CLMN: variants seen among roughly 807,000 people sequenced by gnomAD.
CLMN encodes calmin.
Under a neutral mutation model 92.7 loss-of-function variants are expected in CLMN, and 57 were observed. The ratio of observed to expected loss-of-function variants is 0.61; its 90% CI spans 0.50 to 0.77. The LOEUF (loss-of-function observed/expected upper bound fraction) is 0.77, where lower values mean the gene tolerates loss of function less well. CLMN is among the 30% of genes least tolerant of loss of function. The pLI, the probability that CLMN is intolerant of heterozygous loss-of-function variation, is 0.00. For synonymous variants in CLMN, 466 were observed against 470.6 expected, an observed-to-expected ratio of 0.99 and a Z score of 0.13; for missense variants, 1,158 against 1,237.5, an observed-to-expected ratio of 0.94 and a Z score of 0.96.
In CLMN at chr14:95,187,073, C is replaced by G. The variant is rs1267006082; in HGVS notation, c.*4491G>C. 1 of 152,226 alleles carries G rather than the reference C, an allele frequency of 6.6e-6. No homozygotes were observed. Among genetic ancestry groups the G allele is most frequent in the Non-Finnish European group, 1.5e-5 (1 of 68,062 alleles). The allele number at this position is 152,226 out of a possible 1,614,324, so 9.4% of individuals were successfully genotyped here. On this transcript the variant is annotated 3_prime_UTR_variant, in exon 13 of 13. Coordinates refer to ENST00000298912, the MANE Select transcript of CLMN (RefSeq NM_024734.4). ...ATGTATCCCTCTCCTGCACTTGGCACAGCATTACACAAAATCACTTAGCAG... is the reference window on the plus strand; with the variant it reads ...ATGTATCCCTCTCCTGCACTTGGCAGAGCATTACACAAAATCACTTAGCAG...
intron 8 of CLMN, among the ~76,000 whole-genome samples, chr14:95,205,180 G>A (rs984998745): frequency 2.6e-5 from 4 of 152,090 alleles, no homozygotes; most frequent in East Asian, 1.9e-4. Context: ...TGATCAAAAC[G>A]ACAGCTCCTC....
intron 1 of CLMN, among the ~76,000 whole-genome samples, chr14:95,272,219 G>C (rs960503227): frequency 2.0e-5 from 3 of 152,184 alleles, no homozygotes; most frequent in African/African-American, 7.2e-5. Context: ...GCAGGCTCTG[G>C]AGAAAGGCAG....
intron 1 of CLMN, among the ~76,000 whole-genome samples, chr14:95,306,339 C>T (rs1233312980): frequency 1.3e-5 from 2 of 152,080 alleles, no homozygotes; most frequent in Non-Finnish European, 2.9e-5. Flanking sequence ...CGGTGAAACC[C>T]CATCTCTCTG....
At chr14:95,241,171 C>G (rs1898229966) in intron 1 of CLMN, among the ~76,000 whole-genome samples, 1 of 151,948 alleles carries the variant, frequency 6.6e-6, no homozygotes, top group Admixed American at 6.6e-5. Context: ...CCACACTCAC[C>G]CTGTAAACAT....
intron 1 of CLMN, among the ~76,000 whole-genome samples, chr14:95,297,837 AC>A (rs1900874677): frequency 6.6e-6 from 1 of 151,876 alleles, no homozygotes; most frequent in Admixed American, 6.6e-5. Flanking sequence ...ACACACACAC[AC>A]ACACACACAC....
chr14:95,274,592 C>T (rs1185796303), intron 1 of CLMN, among the ~76,000 whole-genome samples: 5 of 152,222 alleles, frequency 3.3e-5, no homozygotes, highest in Non-Finnish European at 7.3e-5. Flanking sequence ...ACCCAGCACG[C>T]TGCCTCGTAA....
At chr14:95,223,621 T>A (rs1043956685) in intron 3 of CLMN, 139 bp downstream of exon 3, 3 of 607,004 alleles carry the variant, frequency 4.9e-6, no homozygotes, top group Middle Eastern at 2.6e-4. Context: ...CTATATGGCT[T>A]GTAGGCACTA....
intron 4 of CLMN, 82 bp downstream of exon 4, chr14:95,221,607 CTT>C (rs1347011161): frequency 1.1e-5 from 14 of 1,231,192 alleles, no homozygotes; most frequent in Non-Finnish European, 1.6e-5. Flanking sequence ...TCACGCTTCT[CTT>C]GCGACCAGCA....
chr14:95,183,555 C>T lies in CLMN; in HGVS notation c.*8009G>A, dbSNP rs548787156. On this transcript the variant is annotated 3_prime_UTR_variant, in exon 13 of 13. Transcript: ENST00000298912. ...CTACTTCTCCATTTTAATTACACTGCCCTCAGGCCTTCTCTACTTTTCTTT... is the reference window on the plus strand; with the variant it reads ...CTACTTCTCCATTTTAATTACACTGTCCTCAGGCCTTCTCTACTTTTCTTT... 3 of 152,308 alleles carry T rather than the reference C, an allele frequency of 2.0e-5. No homozygotes were observed. In the South Asian group the frequency reaches 6.2e-4, roughly 32 times the overall value. The allele number at this position is 152,308 out of a possible 1,614,324, so 9.4% of individuals were successfully genotyped here. A position where few individuals can be genotyped will look rare whatever the true frequency, so the allele number is the denominator to read the frequency against.
At chr14:95,291,720 C>T (rs1435553323) in intron 1 of CLMN, among the ~76,000 whole-genome samples, 1 of 152,096 alleles carries the variant, frequency 6.6e-6, no homozygotes, top group East Asian at 1.9e-4. Flanking sequence ...TCTAAGATCA[C>T]CAGAAATGGG....
chr14:95,317,314 A>G (rs1481221286), intron 1 of CLMN, among the ~76,000 whole-genome samples: 1 of 152,216 alleles, frequency 6.6e-6, no homozygotes, highest in East Asian at 1.9e-4. Context: ...GGAAAAATCA[A>G]GAGAAGACAG....
intron 1 of CLMN, among the ~76,000 whole-genome samples, chr14:95,269,493 T>A (rs1013753455): frequency 2.0e-5 from 3 of 152,196 alleles, no homozygotes; most frequent in African/African-American, 7.2e-5. Flanking sequence ...CAGACCCAAG[T>A]CACAGCTAAA....
chr14:95,309,715 C>A (rs1481373343), intron 1 of CLMN, among the ~76,000 whole-genome samples: 1 of 152,240 alleles, frequency 6.6e-6, no homozygotes, highest in Non-Finnish European at 1.5e-5. Context: ...AAGCTTGCTG[C>A]CCCCACCCTG....
intron 1 of CLMN, among the ~76,000 whole-genome samples, chr14:95,244,164 T>A (rs1898370294): frequency 1.3e-5 from 2 of 152,196 alleles, no homozygotes; most frequent in African/African-American, 4.8e-5. Flanking sequence ...ATTAAACCTC[T>A]TTTCTTTATA....
intron 3 of CLMN, among the ~76,000 whole-genome samples, chr14:95,222,035 G>T (rs535391308): frequency 6.8e-4 from 104 of 152,280 alleles, no homozygotes; most frequent in Non-Finnish European, 9.7e-4. Context: ...TGGTGAGTTG[G>T]GGGGAACTGA....
chr14:95,300,966 C>T (rs1197116508), intron 1 of CLMN, among the ~76,000 whole-genome samples: 1 of 152,216 alleles, frequency 6.6e-6, no homozygotes, highest in African/African-American at 2.4e-5. Flanking sequence ...GTTGGTTTGA[C>T]TTGAAAATAG....
chr14:95,274,383 A>G (rs1408116212), intron 1 of CLMN, among the ~76,000 whole-genome samples: 1 of 151,952 alleles, frequency 6.6e-6, no homozygotes, highest in African/African-American at 2.4e-5. Flanking sequence ...AGGTATTCTT[A>G]TTACCACCCC....
intron 1 of CLMN, among the ~76,000 whole-genome samples, chr14:95,314,919 T>G (rs1359436893): frequency 6.6e-6 from 1 of 152,170 alleles, no homozygotes; most frequent in African/African-American, 2.4e-5. Flanking sequence ...TGCATTTGGT[T>G]TTCTTTGGGT....
In CLMN at chr14:95,194,006, A is replaced by T; in HGVS notation, c.2770-87T>A. 6.4e-7 allele frequency: 1 copy of T among 1,566,448 alleles called. No homozygotes were observed. The highest frequency in any genetic ancestry group is 8.6e-7 in the Non-Finnish European group (1 of 1,158,480). On this transcript the variant is annotated intron_variant, in intron 11 of 12. Transcript: ENST00000298912. This position sits in a 1 kb window ranked among gnomAD's most constrained non-coding sequence, Gnocchi z 4.0. ...AACAGAAGATAAAACGATTTTAAACACACAAAGCCGAGCATGCCGGGCATT... is the reference window on the plus strand; with the variant it reads ...AACAGAAGATAAAACGATTTTAAACTCACAAAGCCGAGCATGCCGGGCATT...
Sources: gnomAD v4.1 joint callset for allele counts (sites outside exome capture counted in the v4.1 genomes callset) on GRCh38, gnomAD v4.1.1 for gene constraint, Gnocchi (gnomAD v3.1) non-coding constraint, MANE v1.5 for transcripts, NCBI Gene and HGNC (gene_info 2026-07-23, HGNC 2026-07-21) for gene names.